Variants in ACTR3B observed in about 807,000 individuals in gnomAD.
ACTR3B encodes the protein actin-related protein 3B.
ACTR3B carries 8 observed loss-of-function variants against 59.0 expected under a neutral mutation model. That is an observed-to-expected ratio of 0.14 (90% CI 0.08 to 0.24). The LOEUF (loss-of-function observed/expected upper bound fraction) is 0.24, where lower values mean the gene tolerates loss of function less well. Ranked by LOEUF, ACTR3B falls within the 10% of genes least tolerant of loss-of-function variation. The pLI is 1.00. For missense variants in ACTR3B, 245 were observed against 552.3 expected, an observed-to-expected ratio of 0.44 and a Z score of 5.58; for synonymous variants, 148 against 197.9, an observed-to-expected ratio of 0.75 and a Z score of 2.12.
At chr7:152,771,913 A>G (rs2098124999) in intron 1 of ACTR3B, among the ~76,000 whole-genome samples, 1 of 152,098 alleles carries the variant, frequency 6.6e-6, no homozygotes. Context: ...TAAAAATACA[A>G]AATTAGCCAG....
At chr7:152,788,465 G>A (rs2098182236) in intron 2 of ACTR3B, among the ~76,000 whole-genome samples, 1 of 146,890 alleles carries the variant, frequency 6.8e-6, no homozygotes, top group African/African-American at 2.6e-5. Context: ...AGGCTGGAGT[G>A]CAGTGGCACA....
At chr7:152,843,435 A>G (rs1798024842) in intron 9 of ACTR3B, among the ~76,000 whole-genome samples, 1 of 152,228 alleles carries the variant, frequency 6.6e-6, no homozygotes, top group Admixed American at 6.5e-5. Context: ...CATTTGTTGA[A>G]GAAGACTGTT....
chr7:152,759,806 G>A lies in ACTR3B; in HGVS notation c.-77G>A. On this transcript the variant is annotated 5_prime_UTR_variant, in exon 1 of 12. Coordinates refer to ENST00000256001, the MANE Select transcript of ACTR3B (RefSeq NM_020445.6). The stretch of plus-strand genomic sequence containing the variant: ...GGCTCGCGGGAGACGCTGCGCGCGG[G>A]GCTAGCGGGCGGCGGAGCGGACGGC... 1.8e-6 allele frequency: 2 copies of A among 1,109,316 alleles called. No individual in the cohort carries two copies. Among genetic ancestry groups the A allele is most frequent in the Non-Finnish European group, 2.2e-6 (2 of 897,300 alleles). The allele number at this position is 1,109,316 out of a possible 1,614,324, so 68.7% of individuals were successfully genotyped here.
chr7:152,802,431 ATGT>A (rs1293693286), intron 4 of ACTR3B, among the ~76,000 whole-genome samples: 20 of 145,570 alleles, frequency 1.4e-4, no homozygotes, highest in African/African-American at 4.6e-4. Context: ...CCAGGTCAAG[ATGT>A]TGTTTTTTTC....
rs548808809 is a variant in ACTR3B at position 152,789,285 on chromosome 7, G to A, written c.100+6043G>A. On this transcript the variant is annotated intron_variant, in intron 2 of 11. Coordinates refer to ENST00000256001, the MANE Select transcript of ACTR3B (RefSeq NM_020445.6). ...CGCTCACCTGTGGTCCCAGCTACTC[G>A]GGAGGCTGAGGTGGGATGATTGCTT... 6.0e-5 allele frequency among the ~76,000 whole-genome samples: 9 copies of A among 149,150 alleles called. No homozygotes were observed. The South Asian group carries it at 6.5e-4, about 11-fold the overall frequency.
chr7:152,833,498 G>A (rs952782685), intron 9 of ACTR3B, among the ~76,000 whole-genome samples: 3 of 152,186 alleles, frequency 2.0e-5, no homozygotes, highest in Non-Finnish European at 4.4e-5. Context: ...GTGGTCTTTG[G>A]CATGTAAATA....
rs184114959 is a variant in ACTR3B, at chr7:152,817,150, C to T, written c.540+562C>T. On this transcript the variant is annotated intron_variant, in intron 6 of 11. Coordinates refer to ENST00000256001, the MANE Select transcript of ACTR3B (RefSeq NM_020445.6). ...CTGTAATCCCAGCACTTTGGGAGGCCAAGGCGGGCGGATCACCTGAGGTCG... is the reference window on the plus strand; with the variant it reads ...CTGTAATCCCAGCACTTTGGGAGGCTAAGGCGGGCGGATCACCTGAGGTCG... Among the ~76,000 whole-genome samples, 1,086 of 152,092 alleles carry T rather than the reference C, an allele frequency of 7.1e-3. 9 individuals are homozygous for T. The highest frequency in any genetic ancestry group is 0.02 in the Middle Eastern group (6 of 294).
intron 10 of ACTR3B, among the ~76,000 whole-genome samples, chr7:152,852,742 C>G (rs1244347837): frequency 6.6e-6 from 1 of 152,112 alleles, no homozygotes; most frequent in Non-Finnish European, 1.5e-5. Flanking sequence ...GCAGTGGGCG[C>G]AAGGAAGAGA....
intron 1 of ACTR3B, among the ~76,000 whole-genome samples, chr7:152,782,452 G>A (rs2098157541): frequency 6.6e-6 from 1 of 151,962 alleles, no homozygotes; most frequent in Admixed American, 6.6e-5. Flanking sequence ...ATTAGCAAAT[G>A]CTTTTGGAAC....
intron 1 of ACTR3B, among the ~76,000 whole-genome samples, chr7:152,773,750 T>C (rs374295089): frequency 2.6e-5 from 4 of 152,182 alleles, no homozygotes; most frequent in African/African-American, 9.7e-5. Flanking sequence ...CATTGTACTC[T>C]GACCCTGCCA....
rs528476479 is a variant in ACTR3B at position 152,829,880 on chromosome 7, T to C, written c.951+4758T>C. The stretch of plus-strand genomic sequence containing the variant: ...AATGTAATGGATGTCTTTCTACTTC[T>C]CAGTTCTATTCAGGAGGTACTTGAG... On this transcript the variant is annotated intron_variant, in intron 9 of 11. Coordinates refer to ENST00000256001, the MANE Select transcript of ACTR3B (RefSeq NM_020445.6). Among the ~76,000 whole-genome samples, 28 of 152,324 alleles carry C rather than the reference T, an allele frequency of 1.8e-4. No homozygotes were observed. The South Asian group carries it at 5.4e-3, about 29-fold the overall frequency.
intron 1 of ACTR3B, among the ~76,000 whole-genome samples, chr7:152,765,991 A>AT (rs1409363642): frequency 6.6e-6 from 1 of 151,546 alleles, no homozygotes; most frequent in Non-Finnish European, 1.5e-5. Context: ...CTTCGCATTT[A>AT]TTTTTTTCGG....
chr7:152,831,476 G>T (rs1445068639), intron 9 of ACTR3B, among the ~76,000 whole-genome samples: 2 of 152,212 alleles, frequency 1.3e-5, no homozygotes, highest in African/African-American at 4.8e-5. Context: ...GTCTGTCTCT[G>T]TGCTGCCCAG....
chr7:152,771,165 T>C (rs1191374812), intron 1 of ACTR3B, among the ~76,000 whole-genome samples: 1 of 152,014 alleles, frequency 6.6e-6, no homozygotes, highest in Non-Finnish European at 1.5e-5. Flanking sequence ...GGTTTCACCA[T>C]GTTGGCCAGG....
At chr7:152,793,022 AT>A (rs529256740) in intron 2 of ACTR3B, among the ~76,000 whole-genome samples, 8,097 of 104,788 alleles carry the variant, frequency 0.077, 232 homozygotes, top group Middle Eastern at 0.14. Context: ...TAGAAGCTGA[AT>A]TTTTTTTTTT....
intron 2 of ACTR3B, among the ~76,000 whole-genome samples, chr7:152,786,629 C>T (rs552026446): frequency 7.3e-5 from 11 of 151,654 alleles, no homozygotes; most frequent in Middle Eastern, 3.5e-3. Context: ...AGAATGAACA[C>T]GTCATTACTG....
chr7:152,852,034 C>T (rs1052929621), intron 9 of ACTR3B, 92 bp from the exon 10 acceptor site: 34 of 1,539,604 alleles, frequency 2.2e-5, no homozygotes, highest in South Asian at 4.5e-5. Context: ...TGCCCACAAG[C>T]GATTGGACCT....
chr7:152,814,923 T>A (rs1795567334), intron 5 of ACTR3B, among the ~76,000 whole-genome samples: 1 of 152,112 alleles, frequency 6.6e-6, no homozygotes, highest in African/African-American at 2.4e-5. Flanking sequence ...TAGGTGTAGA[T>A]GTGCTTCTTC....
chr7:152,802,040 G>GCA (rs2098238474), intron 4 of ACTR3B, among the ~76,000 whole-genome samples: 1 of 152,124 alleles, frequency 6.6e-6, no homozygotes, highest in Non-Finnish European at 1.5e-5. Context: ...GTCCAGGGTG[G>GCA]CTGCCAAATT....
Sources: allele counts gnomAD v4.1 joint callset (sites outside exome capture counted in the v4.1 genomes callset), GRCh38; gene constraint gnomAD v4.1.1; transcripts MANE v1.5; gene names NCBI Gene and HGNC (gene_info 2026-07-23, HGNC 2026-07-21).